The following SLC9B1 variants were observed in gnomAD, a reference collection of about 807,000 sequenced individuals.
SLC9B1 encodes the protein sodium/hydrogen exchanger 9B1.
In SLC9B1, 32 loss-of-function variants were observed where a neutral mutation model predicts 51.7. The ratio of observed to expected loss-of-function variants is 0.62; its 90% CI spans 0.47 to 0.83. SLC9B1 has a LOEUF of 0.83. SLC9B1 is among the 40% of genes least tolerant of loss of function. SLC9B1 has a pLI of 0.00. For synonymous variants in SLC9B1, 145 were observed against 212.7 expected (o/e 0.68, Z 2.77); for missense variants, 406 against 613.2 (o/e 0.66, Z 3.57).
downstream of SLC9B1, among the ~76,000 whole-genome samples, chr4:102,899,658 CAT>C (rs914037082): frequency 6.6e-6 from 1 of 152,032 alleles, no homozygotes; most frequent in African/African-American, 2.4e-5. Flanking sequence ...GTGATCTGCC[CAT>C]GTCGGCCTCC....
chr4:103,018,439 T>C (rs1741518248), intron 1 of SLC9B1, among the ~76,000 whole-genome samples: 1 of 152,232 alleles, frequency 6.6e-6, no homozygotes, highest in Non-Finnish European at 1.5e-5. Flanking sequence ...ACAATACCTA[T>C]GAATGCCCTT....
chr4:102,943,346 G>A (rs984632287), intron 6 of SLC9B1, among the ~76,000 whole-genome samples: 1 of 152,012 alleles, frequency 6.6e-6, no homozygotes, highest in African/African-American at 2.4e-5. Context: ...CAGAGGAAAA[G>A]AAGTCATTAT....
chr4:103,006,363 C>T (rs1740787644), intron 1 of SLC9B1, among the ~76,000 whole-genome samples: 2 of 152,008 alleles, frequency 1.3e-5, no homozygotes, highest in Admixed American at 6.5e-5. Context: ...CTATTATGAA[C>T]ACCTCTATGC....
chr4:102,962,338 T>C, intron 3 of SLC9B1: 1 of 538,724 alleles, frequency 1.9e-6, no homozygotes, highest in Non-Finnish European at 3.8e-6. Flanking sequence ...CACTGAAGAC[T>C]GGGATATTAT....
chr4:102,997,371 C>T (rs1578410009), intron 1 of SLC9B1, among the ~76,000 whole-genome samples: 1 of 152,124 alleles, frequency 6.6e-6, no homozygotes, highest in Non-Finnish European at 1.5e-5. Context: ...TTTGTGTTTT[C>T]AATGTACAGA....
intron 9 of SLC9B1, among the ~76,000 whole-genome samples, chr4:102,908,965 A>G (rs1308839050): frequency 2.0e-5 from 3 of 152,288 alleles, no homozygotes; most frequent in African/African-American, 7.2e-5. Context: ...AAATGTAAAT[A>G]AAGAATAACA....
chr4:102,904,812 T>C lies in SLC9B1; in HGVS notation c.1332+702A>G, dbSNP rs147671511. On this transcript the variant is annotated intron_variant, in intron 11 of 11. Coordinates refer to ENST00000296422, the MANE Select transcript of SLC9B1 (RefSeq NM_139173.4). ...GCCTGGCCAACGTGGTGAGACCCCA[T>C]CTCTACTAAAAATACAAAAATTAGC... is the stretch of plus-strand genomic sequence containing the variant. Among the ~76,000 whole-genome samples the C allele has an allele frequency of 3.5e-3, 537 of 152,130 alleles. 4 individuals carry two copies. The highest frequency in any genetic ancestry group is 0.024 in the East Asian group (125 of 5,178).
chr4:102,943,621 T>C (rs1737126024), intron 6 of SLC9B1, among the ~76,000 whole-genome samples: 1 of 152,088 alleles, frequency 6.6e-6, no homozygotes, highest in South Asian at 2.1e-4. Flanking sequence ...AGACCATTAT[T>C]CTAAGTGAAG....
At chr4:103,007,711 C>T (rs1447163774) in intron 1 of SLC9B1, among the ~76,000 whole-genome samples, 1 of 150,406 alleles carries the variant, frequency 6.6e-6, no homozygotes, top group Non-Finnish European at 1.5e-5. Context: ...CTCAAGTGAT[C>T]CTCCCACCTC....
intron 7 of SLC9B1, among the ~76,000 whole-genome samples, chr4:102,922,549 A>G (rs1223098570): frequency 1.3e-5 from 2 of 151,170 alleles, no homozygotes; most frequent in Admixed American, 6.6e-5. Flanking sequence ...AAGGCAAAAA[A>G]TAAGATCAGA....
At chr4:102,956,828 A>G (rs1032229783) in intron 3 of SLC9B1, among the ~76,000 whole-genome samples, 2 of 152,208 alleles carry the variant, frequency 1.3e-5, no homozygotes, top group Admixed American at 6.5e-5. Flanking sequence ...AAACAGGAAA[A>G]TATGGTTCAT....
At chr4:102,997,953 C>G (rs1305705831) in intron 1 of SLC9B1, among the ~76,000 whole-genome samples, 1 of 151,972 alleles carries the variant, frequency 6.6e-6, no homozygotes, top group Non-Finnish European at 1.5e-5. Flanking sequence ...ATAATAATAT[C>G]TTTTTTACTT....
At chr4:102,974,241 T>TAA (rs1560962155) in intron 3 of SLC9B1, among the ~76,000 whole-genome samples, 3 of 16,758 alleles carry the variant, frequency 1.8e-4, no homozygotes, top group South Asian at 1.7e-3. Context: ...TGTCTAAAAT[T>TAA]GAAAAAAAAA....
At chr4:102,997,111 G>A (rs1463639277) in intron 1 of SLC9B1, among the ~76,000 whole-genome samples, 1 of 152,030 alleles carries the variant, frequency 6.6e-6, no homozygotes, top group Non-Finnish European at 1.5e-5. Context: ...ATTGACATCT[G>A]GTGTTGGTGT....
At chr4:103,005,012 A>G (rs1047539851) in intron 1 of SLC9B1, among the ~76,000 whole-genome samples, 1 of 152,192 alleles carries the variant, frequency 6.6e-6, no homozygotes, top group African/African-American at 2.4e-5. Context: ...TGACACTATA[A>G]AGTAGAAACT....
chr4:103,000,944 A>C (rs1015316218), intron 1 of SLC9B1, among the ~76,000 whole-genome samples: 1 of 152,210 alleles, frequency 6.6e-6, no homozygotes, highest in Admixed American at 6.5e-5. Flanking sequence ...ACACTGCCCT[A>C]GCTAGAGGTT....
rs1413330635 is a variant in SLC9B1 at position 102,947,650 on chromosome 4, G to T, written c.383-861C>A. ...TTATGGGCATGAGCCACCGTGCCTGGCCCACTGTACTGAATATTTAGATAT... is the reference window on the plus strand; with the variant it reads ...TTATGGGCATGAGCCACCGTGCCTGTCCCACTGTACTGAATATTTAGATAT... On this transcript the variant is annotated intron_variant, in intron 4 of 11. Transcript: ENST00000296422. 2.0e-5 allele frequency among the ~76,000 whole-genome samples: 3 copies of T among 152,310 alleles called. No individual in the cohort carries two copies. In the East Asian group the frequency reaches 5.8e-4, roughly 29 times the overall value.
intron 7 of SLC9B1, among the ~76,000 whole-genome samples, chr4:102,930,625 T>G (rs1274911980): frequency 3.3e-5 from 5 of 151,868 alleles, no homozygotes; most frequent in Admixed American, 3.3e-4. Flanking sequence ...GCCAGGCTGG[T>G]CTTGAACTCC....
intron 7 of SLC9B1, among the ~76,000 whole-genome samples, chr4:102,915,304 A>G (rs1439383735): frequency 5.3e-5 from 8 of 152,252 alleles, no homozygotes; most frequent in Admixed American, 4.6e-4. Context: ...CATACAAAAC[A>G]TAAACTTCTT....
Sources: allele counts gnomAD v4.1 joint callset (sites outside exome capture counted in the v4.1 genomes callset), GRCh38; gene constraint gnomAD v4.1.1; transcripts MANE v1.5; gene names NCBI Gene and HGNC (gene_info 2026-07-23, HGNC 2026-07-21).